Variants in THSD7B observed in about 807,000 individuals in gnomAD.
THSD7B encodes thrombospondin type-1 domain-containing protein 7B.
A neutral mutation model predicts 213.6 loss-of-function variants in THSD7B; 138 were observed. That is an observed-to-expected ratio of 0.65 (90% CI 0.56 to 0.74). The LOEUF (loss-of-function observed/expected upper bound fraction) is 0.74. Among genes scored for constraint, THSD7B ranks in the 30% least tolerant of loss-of-function variants. The pLI is 0.00. For synonymous variants in THSD7B, 742 were observed against 687.0 expected, an observed-to-expected ratio of 1.08 and a Z score of -1.25; for missense variants, 1,931 against 1,991.5, an observed-to-expected ratio of 0.97 and a Z score of 0.58.
chr2:137,622,247 C>A (rs1241232200), intron 20 of THSD7B, among the ~76,000 whole-genome samples: 1 of 150,630 alleles, frequency 6.6e-6, no homozygotes, highest in Non-Finnish European at 1.5e-5. Flanking sequence ...ATCATTCCAT[C>A]CAATAATCCT....
Position 137,115,274 on chromosome 2 carries a change from C to G in THSD7B, c.1350C>G (p.Ala450=), listed in dbSNP as rs148364801. The change falls in exon 5 of 28, where the codon GCC becomes GCG. Residue 450 remains alanine, a synonymous_variant. Transcript: ENST00000409968. ...VYCAQSVPAA[A]ALRAKEVSRP... The stretch of plus-strand genomic sequence containing the variant: ...GTGCCCAGAGCGTACCAGCAGCTGC[C>G]GCACTGAGGGCCAAGGAAGGTAGGC... The G allele has an allele frequency of 1.9e-6, 3 of 1,581,166 alleles. No homozygotes were observed. Among genetic ancestry groups the G allele is most frequent in the Non-Finnish European group, 2.6e-6 (3 of 1,164,946 alleles).
At chr2:137,378,627 T>G (rs780388214) in intron 12 of THSD7B, among the ~76,000 whole-genome samples, 1 of 152,214 alleles carries the variant, frequency 6.6e-6, no homozygotes, top group African/African-American at 2.4e-5. Context: ...TTAGGATTCC[T>G]AACAGTTATT....
chr2:136,980,012 A>T (rs541584813), intron 2 of THSD7B, among the ~76,000 whole-genome samples: 1 of 150,472 alleles, frequency 6.6e-6, no homozygotes, highest in African/African-American at 2.5e-5. Context: ...TTTTAAACAG[A>T]CTCATTTTCC....
chr2:137,340,048 T>C (rs1239353425), intron 12 of THSD7B, among the ~76,000 whole-genome samples: 1 of 151,820 alleles, frequency 6.6e-6, no homozygotes. Flanking sequence ...GTTTGGTACA[T>C]TGGAGATAAA....
At chr2:136,795,186 T>C (rs2104917347) in intron 1 of THSD7B, among the ~76,000 whole-genome samples, 1 of 152,118 alleles carries the variant, frequency 6.6e-6, no homozygotes, top group East Asian at 1.9e-4. Flanking sequence ...AAAATGGCTC[T>C]CAGTGTGCTA....
chr2:137,061,320 T>G (rs1221517062), intron 3 of THSD7B, among the ~76,000 whole-genome samples: 1 of 150,972 alleles, frequency 6.6e-6, no homozygotes, highest in East Asian at 1.9e-4. Flanking sequence ...AAGGAAAAAT[T>G]ATTGCTTTCT....
At chr2:137,332,413 C>T (rs1573966327) in intron 12 of THSD7B, among the ~76,000 whole-genome samples, 1 of 152,172 alleles carries the variant, frequency 6.6e-6, no homozygotes, top group Admixed American at 6.5e-5. Flanking sequence ...AAGCCTGTAC[C>T]TGCATTGCGT....
intron 2 of THSD7B, among the ~76,000 whole-genome samples, chr2:136,922,788 T>A (rs569464716): frequency 6.6e-6 from 1 of 152,214 alleles, no homozygotes; most frequent in Non-Finnish European, 1.5e-5. Flanking sequence ...CACTTTTCTA[T>A]CAAAACAGGA....
At chr2:137,552,703 T>C (rs1680874034) in intron 15 of THSD7B, among the ~76,000 whole-genome samples, 1 of 152,206 alleles carries the variant, frequency 6.6e-6, no homozygotes, top group African/African-American at 2.4e-5. Context: ...CAAACAGATA[T>C]GAATGCATGG....
intron 12 of THSD7B, among the ~76,000 whole-genome samples, chr2:137,352,963 T>A (rs889464310): frequency 6.6e-6 from 1 of 152,036 alleles, no homozygotes; most frequent in African/African-American, 2.4e-5. Context: ...CTAGCTTTTT[T>A]AATGGTAGAA....
chr2:137,184,949 T>C (rs1680523367), intron 7 of THSD7B, among the ~76,000 whole-genome samples: 1 of 152,186 alleles, frequency 6.6e-6, no homozygotes, highest in African/African-American at 2.4e-5. Flanking sequence ...GAATTATATA[T>C]AGTTAGTTAT....
At chr2:137,339,706 C>T (rs971396984) in intron 12 of THSD7B, among the ~76,000 whole-genome samples, 23 of 151,808 alleles carry the variant, frequency 1.5e-4, no homozygotes, top group African/African-American at 5.6e-4. Context: ...ACTCAGGTGG[C>T]TTTGGTGAGG....
At chr2:136,980,483 G>A (rs990162470) in intron 2 of THSD7B, among the ~76,000 whole-genome samples, 3 of 152,170 alleles carry the variant, frequency 2.0e-5, no homozygotes, top group Non-Finnish European at 4.4e-5. Context: ...ACCCCATGAG[G>A]AGGAGGAATA....
chr2:137,482,064 G>A (rs909006844), intron 15 of THSD7B, among the ~76,000 whole-genome samples: 3 of 152,030 alleles, frequency 2.0e-5, no homozygotes, highest in Non-Finnish European at 2.9e-5. Flanking sequence ...TGTAGTCCCA[G>A]CTACTTGGGA....
chr2:137,065,010 G>A (rs947089741), intron 3 of THSD7B, among the ~76,000 whole-genome samples: 10 of 151,364 alleles, frequency 6.6e-5, no homozygotes, highest in African/African-American at 1.7e-4. Context: ...GTCTTTTATG[G>A]TTCCATATGA....
chr2:137,160,901 C>T (rs1281238067), intron 6 of THSD7B, among the ~76,000 whole-genome samples: 6 of 152,072 alleles, frequency 3.9e-5, no homozygotes, highest in Admixed American at 3.9e-4. Context: ...GGATTACAGG[C>T]GTGAGCCACT....
At position 137,347,633 on chromosome 2, in the gene THSD7B, T is replaced by C. The variant is rs144669191; in HGVS notation, c.2501-57980T>C. 8.2e-3 allele frequency among the ~76,000 whole-genome samples: 1,247 copies of C among 151,266 alleles called. 14 individuals carry two copies. Among genetic ancestry groups the C allele is most frequent in the African/African-American group, 0.029 (1,186 of 41,340 alleles). On this transcript the variant is annotated intron_variant, in intron 12 of 27. Coordinates refer to ENST00000409968, the MANE Select transcript of THSD7B (RefSeq NM_001316349.2). ...GAAGAGATACTGGGCTTACTTTGCCTTCTTGGCTCAGCTGCTATCTAGTTG... is the reference window on the plus strand; with the variant it reads ...GAAGAGATACTGGGCTTACTTTGCCCTCTTGGCTCAGCTGCTATCTAGTTG...
At chr2:137,053,303 A>C (rs1687101124) in intron 2 of THSD7B, among the ~76,000 whole-genome samples, 2 of 152,184 alleles carry the variant, frequency 1.3e-5, no homozygotes, top group African/African-American at 4.8e-5. Flanking sequence ...CAAATAGGAG[A>C]TCATGGCTAA....
intron 17 of THSD7B, among the ~76,000 whole-genome samples, chr2:137,577,476 A>G (rs1238435517): frequency 1.3e-5 from 2 of 152,006 alleles, no homozygotes; most frequent in Non-Finnish European, 1.5e-5. Context: ...CTCAATTTCC[A>G]TCTGTCTCTC....
Sources: gnomAD v4.1 joint callset for allele counts (sites outside exome capture counted in the v4.1 genomes callset) on GRCh38, gnomAD v4.1.1 for gene constraint, MANE v1.5 for transcripts, NCBI Gene and HGNC (gene_info 2026-07-23, HGNC 2026-07-21) for gene names.